DUSP16: variants seen among roughly 807,000 people sequenced by gnomAD.
DUSP16 encodes the protein dual specificity protein phosphatase 16.
Under a neutral mutation model 58.3 loss-of-function variants are expected in DUSP16, and 21 were observed. That is an observed-to-expected ratio of 0.36 (90% CI 0.26 to 0.52). The LOEUF is 0.52. Among genes scored for constraint, DUSP16 ranks in the 20% least tolerant of loss-of-function variants. DUSP16 has a pLI of 0.94. For synonymous variants in DUSP16, 320 were observed against 323.8 expected (o/e 0.99, Z 0.12); for missense variants, 726 against 819.0 (o/e 0.89, Z 1.39).
chr12:12,502,525 C>G (rs1943923764), intron 3 of DUSP16, among the ~76,000 whole-genome samples: 1 of 151,704 alleles, frequency 6.6e-6, no homozygotes, highest in Admixed American at 6.6e-5. Flanking sequence ...CTCAGGATAC[C>G]TGCACCTTAC....
At chr12:12,497,907 T>G (rs764212615) in intron 4 of DUSP16, among the ~76,000 whole-genome samples, 2 of 150,608 alleles carry the variant, frequency 1.3e-5, no homozygotes, top group Admixed American at 6.6e-5. Flanking sequence ...GAGGGGGAGG[T>G]TGCAGTGAGC....
intron 1 of DUSP16, among the ~76,000 whole-genome samples, chr12:12,539,694 A>C (rs949701288): frequency 6.6e-6 from 1 of 151,582 alleles, no homozygotes. Context: ...CAGCCAATCT[A>C]TATTACATTA....
At chr12:12,498,604 G>A (rs1454175531) in intron 4 of DUSP16, among the ~76,000 whole-genome samples, 2 of 151,748 alleles carry the variant, frequency 1.3e-5, no homozygotes, top group East Asian at 1.9e-4. Flanking sequence ...TTGTAGAGAC[G>A]GGGTTTTGCC....
At position 12,477,698 on chromosome 12, in the gene DUSP16, T is replaced by A; in HGVS notation, c.1133A>T (p.Gln378Leu). 6.2e-7 allele frequency: 1 copy of A among 1,613,374 alleles called. No homozygotes were observed. The highest frequency in any genetic ancestry group is 1.1e-5 in the South Asian group (1 of 91,058). ...PSLLEDSPLV[Q>L]ALSGLHLSAD... ...GGACAGGTGCAGCCCACTGAGCGCC[T>A]GTACCAGCGGGCTGTCCTCTAACAG... is the stretch of plus-strand genomic sequence containing the variant. Residue 378 changes from glutamine (Q) to leucine (L), a missense_variant, in exon 7 of 7, where the codon CAG becomes CTG. Transcript: ENST00000298573. The surrounding 1 kb of genome is among the most constrained non-coding windows in gnomAD (Gnocchi z 4.1).
chr12:12,503,118 A>G (rs1054206090), intron 3 of DUSP16, among the ~76,000 whole-genome samples: 2 of 152,172 alleles, frequency 1.3e-5, no homozygotes, highest in African/African-American at 4.8e-5. Context: ...AATGAGGATA[A>G]TGATCACACC....
Position 12,475,225 on chromosome 12 carries a change from G to A in DUSP16, c.*1608C>T, listed in dbSNP as rs1354843367. On this transcript the variant is annotated 3_prime_UTR_variant, in exon 7 of 7. Coordinates refer to ENST00000298573, the MANE Select transcript of DUSP16 (RefSeq NM_030640.3). ...AAGGGAAAGAACAATGACAACACCC[G>A]CCCAGCCCCACCCCCAAAAAGCTGC... 3 of 136,860 alleles carry A rather than the reference G, an allele frequency of 2.2e-5. No homozygotes were observed. Among genetic ancestry groups the A allele is most frequent in the African/African-American group, 5.5e-5 (2 of 36,268 alleles). The allele number at this position is 136,860 out of a possible 1,614,324, so 8.5% of individuals were successfully genotyped here.
chr12:12,512,391 G>A (rs2136224561), intron 3 of DUSP16, among the ~76,000 whole-genome samples: 1 of 152,126 alleles, frequency 6.6e-6, no homozygotes, highest in South Asian at 2.1e-4. Flanking sequence ...TACGTTTATT[G>A]TCAACCGTAG....
chr12:12,533,498 T>C (rs370668828), intron 1 of DUSP16, among the ~76,000 whole-genome samples: 2 of 152,264 alleles, frequency 1.3e-5, no homozygotes, highest in South Asian at 2.1e-4. Flanking sequence ...GCCTCAAAAA[T>C]GGGACACCAG....
intron 5 of DUSP16, among the ~76,000 whole-genome samples, chr12:12,480,564 G>A: frequency 6.6e-6 from 1 of 152,162 alleles, no homozygotes; most frequent in South Asian, 2.1e-4. Flanking sequence ...AAAACTGTTT[G>A]TTAATAAGCA....
At chr12:12,486,064 A>G (rs1943677227) in intron 5 of DUSP16, among the ~76,000 whole-genome samples, 1 of 150,054 alleles carries the variant, frequency 6.7e-6, no homozygotes, top group Non-Finnish European at 1.5e-5. Context: ...AAGTGCTGGG[A>G]TTACAGGCGT....
chr12:12,486,490 G>A (rs1943685877), intron 5 of DUSP16, among the ~76,000 whole-genome samples: 1 of 126,026 alleles, frequency 7.9e-6, no homozygotes, highest in South Asian at 2.2e-4. Context: ...GAGTGTGTGT[G>A]TGTGTGTGTG....
intron 3 of DUSP16, among the ~76,000 whole-genome samples, chr12:12,513,312 T>C (rs182739244): frequency 1.3e-5 from 2 of 152,372 alleles, no homozygotes; most frequent in African/African-American, 4.8e-5. Context: ...AAACAATTTA[T>C]ATACAGTGTA....
chr12:12,559,004 T>G (rs1233982453), intron 1 of DUSP16, among the ~76,000 whole-genome samples: 1 of 152,256 alleles, frequency 6.6e-6, no homozygotes, highest in Non-Finnish European at 1.5e-5. Context: ...TCCATTTGTG[T>G]AGAAGAACCA....
At chr12:12,536,016 A>C (rs1466891294) in intron 1 of DUSP16, among the ~76,000 whole-genome samples, 1 of 152,256 alleles carries the variant, frequency 6.6e-6, no homozygotes, top group Non-Finnish European at 1.5e-5. Context: ...AAATAACATA[A>C]GAACACTACT....
At chr12:12,521,744 G>A (rs1346334999) in intron 1 of DUSP16, among the ~76,000 whole-genome samples, 2 of 152,164 alleles carry the variant, frequency 1.3e-5, no homozygotes, top group African/African-American at 2.4e-5. Flanking sequence ...AGAACTAAAT[G>A]ACCTGTAGTA....
At chr12:12,515,909 G>A (rs1944143805) in intron 3 of DUSP16, among the ~76,000 whole-genome samples, 1 of 151,946 alleles carries the variant, frequency 6.6e-6, no homozygotes, top group Non-Finnish European at 1.5e-5. Flanking sequence ...CTGAGTAGCT[G>A]AGACTACAGG....
chr12:12,543,013 A>C (rs1205644753), intron 1 of DUSP16, among the ~76,000 whole-genome samples: 1 of 152,142 alleles, frequency 6.6e-6, no homozygotes, highest in Non-Finnish European at 1.5e-5. Context: ...CCCTCACCAG[A>C]ACCAGATCAT....
In DUSP16 at chr12:12,528,500, C is replaced by T. The variant is rs138993157; in HGVS notation, c.-365-7037G>A. Reference sequence around the variant, plus strand: ...CAGGAGAAGAAAGATTTAGAACAAGCCAAACAGAGGTCAGATGGGGATTAA... The same window carrying T: ...CAGGAGAAGAAAGATTTAGAACAAGTCAAACAGAGGTCAGATGGGGATTAA... On this transcript the variant is annotated intron_variant, in intron 1 of 6. Transcript: ENST00000298573. 3.1e-3 allele frequency among the ~76,000 whole-genome samples: 467 copies of T among 152,238 alleles called. 5 individuals are homozygous for T. Among genetic ancestry groups the T allele is most frequent in the African/African-American group, 0.011 (449 of 41,530 alleles).
At chr12:12,500,304 T>G (rs1230877839) in intron 4 of DUSP16, among the ~76,000 whole-genome samples, 1 of 152,096 alleles carries the variant, frequency 6.6e-6, no homozygotes, top group East Asian at 1.9e-4. Context: ...TAAGAACAAG[T>G]AGACATGACA....
Sources: allele counts gnomAD v4.1 joint callset (sites outside exome capture counted in the v4.1 genomes callset), GRCh38; gene constraint gnomAD v4.1.1; non-coding constraint Gnocchi (gnomAD v3.1); transcripts MANE v1.5; gene names NCBI Gene and HGNC (gene_info 2026-07-23, HGNC 2026-07-21).